RNF126: variants seen among roughly 807,000 people sequenced by gnomAD.
RNF126 encodes E3 ubiquitin-protein ligase RNF126.
RNF126 carries 20 observed loss-of-function variants against 41.9 expected under a neutral mutation model. That is an observed-to-expected ratio of 0.48 (90% CI 0.34 to 0.69). RNF126 has a LOEUF of 0.69. Ranked by LOEUF, RNF126 falls within the 30% of genes least tolerant of loss-of-function variation. The pLI is 0.01. For missense variants in RNF126, 433 were observed against 460.6 expected (o/e 0.94, Z 0.55); for synonymous variants, 239 against 202.9 (o/e 1.18, Z -1.51).
Position 650,303 on chromosome 19 carries a change from AAG to A in RNF126, c.444-9_444-8del, listed in dbSNP as rs1460933705. 8 of 1,575,566 alleles carry A rather than the reference AAG, an allele frequency of 5.1e-6. No individual in the cohort carries two copies. Among genetic ancestry groups the A allele is most frequent in the East Asian group, 2.3e-5 (1 of 43,860 alleles). On this transcript the variant is annotated splice_region_variant and splice_polypyrimidine_tract_variant and intron_variant, in intron 4 of 8. Transcript: ENST00000292363. ...GACGAGCTGCTGGATGATCCTGGAA[AAG>A]AGAGCGCCAGTCACGGGGTGAGGCC...
chr19:648,751 C>G (rs1390018999), intron 7 of RNF126, 131 bp downstream of exon 7: 1 of 668,518 alleles, frequency 1.5e-6, no homozygotes, highest in Non-Finnish European at 2.5e-6. Context: ...GGAGGATCAC[C>G]TGAGGTCAGG....
intron 6 of RNF126, chr19:649,246 GC>G (rs2144755423): frequency 3.0e-6 from 1 of 329,254 alleles, no homozygotes; most frequent in East Asian, 4.8e-5. Flanking sequence ...GCTCCTGAGT[GC>G]CCTGACGGCG....
At chr19:652,114 A>C in intron 3 of RNF126, 119 bp downstream of exon 3, 1 of 927,370 alleles carries the variant, frequency 1.1e-6, no homozygotes, top group Non-Finnish European at 1.5e-6. Context: ...CCCTGGAGGG[A>C]AAAATTTCCT....
At chr19:654,250 G>A (rs989890694) in intron 1 of RNF126, among the ~76,000 whole-genome samples, 5 of 152,220 alleles carry the variant, frequency 3.3e-5, no homozygotes, top group African/African-American at 1.2e-4. Flanking sequence ...GGAGAGTGAA[G>A]AGGCACCATC....
At chr19:655,776 A>G (rs1056013117) in intron 1 of RNF126, among the ~76,000 whole-genome samples, 2 of 152,146 alleles carry the variant, frequency 1.3e-5, no homozygotes, top group African/African-American at 4.8e-5. Context: ...TCACGGCAGC[A>G]CAGTTCATCA....
rs1005114221 is a variant in RNF126 at position 659,659 on chromosome 19, G to T, written c.75+3388C>A. On this transcript the variant is annotated intron_variant, in intron 1 of 8. Transcript: ENST00000292363. The surrounding 1 kb of genome is among the most constrained non-coding windows in gnomAD (Gnocchi z 4.9). ...GGCTCGAGTCTGGGTCTGCGCAGCC[G>T]CCTGTGGCCTGAGCTCCAGCTGGCC... Among the ~76,000 whole-genome samples, 1 of 152,088 alleles carries T rather than the reference G, an allele frequency of 6.6e-6. No individual in the cohort carries two copies. The highest frequency in any genetic ancestry group is 2.4e-5 in the African/African-American group (1 of 41,410).
chr19:653,549 A>G (rs1222887301), intron 1 of RNF126, among the ~76,000 whole-genome samples: 1 of 152,166 alleles, frequency 6.6e-6, no homozygotes, highest in African/African-American at 2.4e-5. Flanking sequence ...TCACACTGCA[A>G]CGGGATCCCC....
At chr19:657,593 A>ACCCT (rs2030614869) in intron 1 of RNF126, among the ~76,000 whole-genome samples, 1 of 152,178 alleles carries the variant, frequency 6.6e-6, no homozygotes, top group Non-Finnish European at 1.5e-5. Context: ...AGGGGTTTCA[A>ACCCT]AGGTCACCTC....
chr19:649,113 G>C, intron 6 of RNF126, 138 bp from the exon 7 acceptor site: 2 of 418,916 alleles, frequency 4.8e-6, no homozygotes, highest in Admixed American at 4.1e-5. Context: ...CCCGCCCGGG[G>C]TCGGAGATCA....
chr19:650,896 C>T (rs550146389), intron 4 of RNF126, among the ~76,000 whole-genome samples: 11 of 152,170 alleles, frequency 7.2e-5, no homozygotes, highest in African/African-American at 2.4e-4. Context: ...CCAGCCTCAG[C>T]TACTTTTTAA....
Position 650,220 on chromosome 19 carries a change from C to A in RNF126, c.506+14G>T, listed in dbSNP as rs1293538537. On this transcript the variant is annotated intron_variant, in intron 5 of 8. Transcript: ENST00000292363. ...CCAGGCTGGGGATGGGGACAGGCACCCCCACCCACTCACCAGGGGCCCAGG... is the reference window on the plus strand; with the variant it reads ...CCAGGCTGGGGATGGGGACAGGCACACCCACCCACTCACCAGGGGCCCAGG... The A allele has an allele frequency of 1.3e-6, 2 of 1,562,826 alleles. No individual in the cohort carries two copies. Among genetic ancestry groups the A allele is most frequent in the East Asian group, 4.6e-5 (2 of 43,224 alleles).
Position 652,811 on chromosome 19 carries a change from AG to A in RNF126, c.134+14del, listed in dbSNP as rs543012704. 5 of 1,611,832 alleles carry A rather than the reference AG, an allele frequency of 3.1e-6. No homozygotes were observed. Among genetic ancestry groups the A allele is most frequent in the Non-Finnish European group, 4.2e-6 (5 of 1,179,066 alleles). ...GGCTGGCTCTTCCAGCCTCTTCAACAGGGGGCTGCATTACCTGGTCTCTTCC... is the reference window on the plus strand; with the variant it reads ...GGCTGGCTCTTCCAGCCTCTTCAACAGGGGCTGCATTACCTGGTCTCTTCC... On this transcript the variant is annotated intron_variant, in intron 2 of 8. Coordinates refer to ENST00000292363, the MANE Select transcript of RNF126 (RefSeq NM_194460.3).
Position 659,269 on chromosome 19 carries a change from G to C in RNF126, c.75+3778C>G, listed in dbSNP as rs983410462. ...GGACCAGGAGAAGACAGGGTGGGCC[G>C]GGGGGCAGCTGGGGAGACTTCCCGC... is the stretch of plus-strand genomic sequence containing the variant. On this transcript the variant is annotated intron_variant, in intron 1 of 8. Transcript: ENST00000292363. This position sits in a 1 kb window ranked among gnomAD's most constrained non-coding sequence, Gnocchi z 4.9. Among the ~76,000 whole-genome samples, 1 of 152,090 alleles carries C rather than the reference G, an allele frequency of 6.6e-6. No individual in the cohort carries two copies. Among genetic ancestry groups the C allele is most frequent in the Non-Finnish European group, 1.5e-5 (1 of 68,004 alleles).
chr19:655,883 G>A (rs542557624), intron 1 of RNF126, among the ~76,000 whole-genome samples: 18 of 151,648 alleles, frequency 1.2e-4, no homozygotes, highest in African/African-American at 3.8e-4. Context: ...GGCCACGGCG[G>A]GGGGGAGGGG....
chr19:648,550 G>A (rs938096274), intron 7 of RNF126, 63 bp from the exon 8 acceptor site: 25 of 1,336,984 alleles, frequency 1.9e-5, no homozygotes, highest in Non-Finnish European at 2.6e-5. Context: ...TTCAAGGGCA[G>A]GCTACTCCAC....
Position 647,939 on chromosome 19 carries a change from T to G in RNF126, c.*189A>C. The G allele has an allele frequency of 1.5e-6, 1 of 669,224 alleles. No homozygotes were observed. The highest frequency in any genetic ancestry group is 2.5e-6 in the Non-Finnish European group (1 of 401,038). 41.5% of individuals were successfully genotyped at this position (669,224 alleles called of 1,614,324 possible). ...GCTGGGGACGCCCCAGAGGGGACCA[T>G]GTGGCCCACGCCTTCCCAAGCCAGG... is the stretch of plus-strand genomic sequence containing the variant. On this transcript the variant is annotated 3_prime_UTR_variant, in exon 9 of 9. Coordinates refer to ENST00000292363, the MANE Select transcript of RNF126 (RefSeq NM_194460.3).
intron 1 of RNF126, among the ~76,000 whole-genome samples, chr19:655,061 G>C (rs1600637773): frequency 6.6e-6 from 1 of 152,154 alleles, no homozygotes; most frequent in East Asian, 1.9e-4. Context: ...TGTGATCCCA[G>C]TACTTTGGGA....
Position 647,920 on chromosome 19 carries a change from G to A in RNF126, c.*208C>T. ...TTAGACAGAGGACGGGGAGGCTGGG[G>A]ACGCCCCAGAGGGGACCATGTGGCC... On this transcript the variant is annotated 3_prime_UTR_variant, in exon 9 of 9. Transcript: ENST00000292363. The A allele has an allele frequency of 1.6e-6, 1 of 642,040 alleles. No homozygotes were observed. Among genetic ancestry groups the A allele is most frequent in the Non-Finnish European group, 2.7e-6 (1 of 366,670 alleles). 39.8% of individuals were successfully genotyped at this position (642,040 alleles called of 1,614,324 possible). A position where few individuals can be genotyped will look rare whatever the true frequency, so the allele number is the denominator to read the frequency against.
intron 2 of RNF126, 50 bp from the exon 3 acceptor site, chr19:652,346 C>A (rs371414624): frequency 6.9e-7 from 1 of 1,447,734 alleles, no homozygotes; most frequent in Non-Finnish European, 9.3e-7. Context: ...TGCCCCCATG[C>A]GCCAGGCGCT....
Sources: allele counts gnomAD v4.1 joint callset (sites outside exome capture counted in the v4.1 genomes callset), GRCh38; gene constraint gnomAD v4.1.1; non-coding constraint Gnocchi (gnomAD v3.1); transcripts MANE v1.5; gene names NCBI Gene and HGNC (gene_info 2026-07-23, HGNC 2026-07-21).